SCGB1D1: variants seen among roughly 807,000 people sequenced by gnomAD.
The protein encoded by SCGB1D1 is lipophilin A (uteroglobin family member).
In SCGB1D1, 10 loss-of-function variants were observed where a neutral mutation model predicts 8.3. That is an observed-to-expected ratio of 1.21 (90% CI 0.74 to 2.05). The LOEUF is 2.05. Ranked by LOEUF, SCGB1D1 falls within the 30% of genes most tolerant of loss-of-function variation. The pLI, the probability that SCGB1D1 is intolerant of heterozygous loss-of-function variation, is 0.00. For synonymous variants in SCGB1D1, 46 were observed against 41.7 expected, an observed-to-expected ratio of 1.10 and a Z score of -0.39; for missense variants, 94 against 105.1, an observed-to-expected ratio of 0.89 and a Z score of 0.46.
chr11:62,192,256 T>C lies in SCGB1D1; in HGVS notation c.243+13T>C, dbSNP rs764653917. The stretch of plus-strand genomic sequence containing the variant: ...TACAAAAACATTGGTAATTTCTGTC[T>C]CTTTCATGTGTCCAGGCTTCTGGTC... On this transcript the variant is annotated intron_variant, in intron 2 of 2. Coordinates refer to ENST00000306238, the MANE Select transcript of SCGB1D1 (RefSeq NM_006552.2). 1.3e-6 allele frequency: 2 copies of C among 1,543,794 alleles called. No individual in the cohort carries two copies. Among genetic ancestry groups the C allele is most frequent in the South Asian group, 2.3e-5 (2 of 88,628 alleles).
At chr11:62,191,264 G>A (rs545124606) in intron 1 of SCGB1D1, among the ~76,000 whole-genome samples, 1 of 152,178 alleles carries the variant, frequency 6.6e-6, no homozygotes, top group African/African-American at 2.4e-5. Flanking sequence ...GCATGGTGGG[G>A]CGCTTTCTGG....
Position 62,190,305 on chromosome 11 carries a change from C to T in SCGB1D1, c.21C>T (p.Leu7=), listed in dbSNP as rs755805696. Residue 7 remains leucine (L), a synonymous_variant, in exon 1 of 3, where the codon CTC becomes CTT. Coordinates refer to ENST00000306238, the MANE Select transcript of SCGB1D1 (RefSeq NM_006552.2). ...CCACCATGAGGCTGTCGGTGTGTCT[C>T]CTGCTGCTCACGCTGGCCCTTTGCT... MRLSVC[L]LLLTLALCCY... The T allele has an allele frequency of 6.2e-7, 1 of 1,614,186 alleles. No homozygotes were observed. Among genetic ancestry groups the T allele is most frequent in the Non-Finnish European group, 8.5e-7 (1 of 1,180,028 alleles).
intron 2 of SCGB1D1, among the ~76,000 whole-genome samples, chr11:62,192,452 T>G (rs1333651398): frequency 2.0e-5 from 3 of 152,180 alleles, no homozygotes; most frequent in African/African-American, 7.2e-5. Context: ...TCCTGCATGT[T>G]CCTCCTTCTC....
intron 2 of SCGB1D1, among the ~76,000 whole-genome samples, chr11:62,193,014 C>T (rs1944691025): frequency 6.6e-6 from 1 of 152,198 alleles, no homozygotes; most frequent in Non-Finnish European, 1.5e-5. Flanking sequence ...AGAATTCCCA[C>T]ATGGGGAGGC....
chr11:62,192,093 C>T lies in SCGB1D1; in HGVS notation c.93C>T (p.Ile31=), dbSNP rs1944682088. 2 of 1,611,826 alleles carry T rather than the reference C, an allele frequency of 1.2e-6. No homozygotes were observed. The highest frequency in any genetic ancestry group is 3.3e-5 in the Admixed American group (2 of 59,894). The part of the protein sequence containing the change: ...AVVCQALGSE[I]TGFLLAGKPV... ...TCTGCCAAGCTCTTGGTTCTGAAAT[C>T]ACAGGCTTCTTATTAGCTGGAAAAC... The change falls in exon 2 of 3, where the codon ATC becomes ATT. Residue 31 remains isoleucine, a synonymous_variant. Coordinates refer to ENST00000306238, the MANE Select transcript of SCGB1D1 (RefSeq NM_006552.2).
intron 2 of SCGB1D1, 76 bp from the exon 3 acceptor site, chr11:62,193,323 C>A: frequency 7.4e-7 from 1 of 1,344,350 alleles, no homozygotes; most frequent in Non-Finnish European, 1.1e-6. Flanking sequence ...TTCCATCGGC[C>A]ACTTGGATGT....
intron 1 of SCGB1D1, among the ~76,000 whole-genome samples, chr11:62,190,684 C>A (rs116776461): frequency 6.6e-6 from 1 of 152,116 alleles, no homozygotes; most frequent in Non-Finnish European, 1.5e-5. Context: ...TCACCCTCCC[C>A]GCGCCTCCTC....
At chr11:62,192,540 T>C (rs1201382822) in intron 2 of SCGB1D1, among the ~76,000 whole-genome samples, 2 of 152,004 alleles carry the variant, frequency 1.3e-5, no homozygotes, top group East Asian at 1.9e-4. Context: ...GCAGGGGTGG[T>C]GAAGGGCCAA....
At chr11:62,192,268 C>G (rs1237450441) in intron 2 of SCGB1D1, 25 bp downstream of exon 2, 3 of 1,586,434 alleles carry the variant, frequency 1.9e-6, no homozygotes, top group East Asian at 2.2e-5. Flanking sequence ...TTTCATGTGT[C>G]CAGGCTTCTG....
chr11:62,190,217 G>A lies in SCGB1D1; in HGVS notation c.-68G>A, dbSNP rs957722713. On this transcript the variant is annotated 5_prime_UTR_variant, in exon 1 of 3. Transcript: ENST00000306238. ...TAGCCCTGGGCTCCACGGCTCCACA[G>A]GCTCCCGGGGCTGAGTCTAAATCAC... 6.2e-7 allele frequency: 1 copy of A among 1,604,916 alleles called. No homozygotes were observed. Among genetic ancestry groups the A allele is most frequent in the Admixed American group, 1.7e-5 (1 of 59,816 alleles).
chr11:62,193,320 G>A (rs923586368), intron 2 of SCGB1D1, 79 bp from the exon 3 acceptor site: 59 of 1,318,662 alleles, frequency 4.5e-5, no homozygotes, highest in South Asian at 3.3e-4. Context: ...GAATTCCATC[G>A]GCCACTTGGA....
rs1229794354 is a variant in SCGB1D1 at position 62,192,169 on chromosome 11, G to T, written c.169G>T (p.Ala57Ser). The T allele has an allele frequency of 2.5e-6, 4 of 1,613,856 alleles. No homozygotes were observed. The highest frequency in any genetic ancestry group is 3.4e-6 in the Non-Finnish European group (4 of 1,179,848). Residue 57 changes from alanine (A) to serine (S), a missense_variant, in exon 2 of 3, where the codon GCA (alanine) becomes TCA (serine). Coordinates refer to ENST00000306238, the MANE Select transcript of SCGB1D1 (RefSeq NM_006552.2). The stretch of plus-strand genomic sequence containing the variant: ...ATTTAAGGCACCTCTGGAAGCTGTT[G>T]CAGCCAAGATGGAAGTGAAGAAATG... ...AKFKAPLEAVAAKMEVKKCVD... is the reference protein window; with the variant it reads ...AKFKAPLEAVSAKMEVKKCVD...
Position 62,192,871 on chromosome 11 carries a change from T to G in SCGB1D1, c.244-528T>G, listed in dbSNP as rs554695627. On this transcript the variant is annotated intron_variant, in intron 2 of 2. Transcript: ENST00000306238. ...CCATGGAAGCGGGATGTTCTCACTC[T>G]GTCTTTCTCAAGAAATCAGAGGTTT... Among the ~76,000 whole-genome samples the G allele has an allele frequency of 2.0e-5, 3 of 152,334 alleles. No individual in the cohort carries two copies. In the South Asian group the frequency reaches 6.2e-4, roughly 32 times the overall value.
Position 62,193,394 on chromosome 11 carries a change from T to C in SCGB1D1, c.244-5T>C, listed in dbSNP as rs1425270931. Reference sequence around the variant, plus strand: ...CACCTTCCTTTCTTTCCTTTTCTATTTCAGGGAAAAATAGCAGAGAAATGT... The same window carrying C: ...CACCTTCCTTTCTTTCCTTTTCTATCTCAGGGAAAAATAGCAGAGAAATGT... On this transcript the variant is annotated splice_region_variant and splice_polypyrimidine_tract_variant and intron_variant, in intron 2 of 2. Coordinates refer to ENST00000306238, the MANE Select transcript of SCGB1D1 (RefSeq NM_006552.2). 6.2e-7 allele frequency: 1 copy of C among 1,612,530 alleles called. No individual in the cohort carries two copies. The highest frequency in any genetic ancestry group is 1.1e-5 in the South Asian group (1 of 90,676).
At chr11:62,193,351 G>A (rs1335642346) in intron 2 of SCGB1D1, 48 bp from the exon 3 acceptor site, 1 of 1,572,182 alleles carries the variant, frequency 6.4e-7, no homozygotes, top group Non-Finnish European at 8.7e-7. Flanking sequence ...TTGTCTCCAG[G>A]AGCTGCATGA....
rs1451301600 is a variant in SCGB1D1, at chr11:62,192,216, G to A, written c.216G>A (p.Glu72=). 6.2e-7 allele frequency: 1 copy of A among 1,611,810 alleles called. No homozygotes were observed. Among genetic ancestry groups the A allele is most frequent in the Non-Finnish European group, 8.5e-7 (1 of 1,178,276 alleles). The stretch of plus-strand genomic sequence containing the variant: ...AATGCGTGGATACGATGGCCTATGA[G>A]AAAAGAGTGCTAATTACAAAAACAT... ...VKKCVDTMAY[E]KRVLITKTLG... The change falls in exon 2 of 3, where the codon GAG becomes GAA. Residue 72 remains glutamate, a synonymous_variant. Transcript: ENST00000306238.
At chr11:62,192,354 T>A in intron 2 of SCGB1D1, 111 bp downstream of exon 2, 1 of 919,160 alleles carries the variant, frequency 1.1e-6, no homozygotes, top group Non-Finnish European at 1.7e-6. Flanking sequence ...GCACCTGCCT[T>A]ACTGGTCACC....
In SCGB1D1 at chr11:62,193,447, T is replaced by A; in HGVS notation, c.*19T>A. ...TCGCTGAGATGTAAAAAGTTTTTAA[T>A]GCTAGTTTCCACCATCTTTCAATGA... On this transcript the variant is annotated 3_prime_UTR_variant, in exon 3 of 3. Coordinates refer to ENST00000306238, the MANE Select transcript of SCGB1D1 (RefSeq NM_006552.2). 2 of 1,604,242 alleles carry A rather than the reference T, an allele frequency of 1.2e-6. No individual in the cohort carries two copies. The highest frequency in any genetic ancestry group is 1.7e-6 in the Non-Finnish European group (2 of 1,171,716).
At chr11:62,192,439 G>A (rs998785838) in intron 2 of SCGB1D1, among the ~76,000 whole-genome samples, 196 bp downstream of exon 2, 6 of 152,186 alleles carry the variant, frequency 3.9e-5, no homozygotes, top group African/African-American at 1.4e-4. Context: ...GCTGCACACA[G>A]CCTCCTGCAT....
Sources: gnomAD v4.1 joint callset for allele counts (sites outside exome capture counted in the v4.1 genomes callset) on GRCh38, gnomAD v4.1.1 for gene constraint, MANE v1.5 for transcripts, NCBI Gene and HGNC (gene_info 2026-07-23, HGNC 2026-07-21) for gene names.